Variants in SBF2 observed in about 807,000 individuals in gnomAD.
SBF2 encodes the protein myotubularin-related protein 13.
A neutral mutation model predicts 225.2 loss-of-function variants in SBF2; 112 were observed. The ratio of observed to expected loss-of-function variants is 0.50; its 90% confidence interval spans 0.43 to 0.58. The LOEUF is 0.58. SBF2 is among the 20% of genes least tolerant of loss of function. The probability of loss-of-function intolerance (pLI) is 0.00; values close to 1 mark genes in which losing one functional copy is unlikely to be tolerated. For missense variants in SBF2, 1,996 were observed against 2,206.2 expected (o/e 0.90, Z 1.91); for synonymous variants, 763 against 773.3 (o/e 0.99, Z 0.22).
At chr11:9,834,194 G>C (rs1353613877) in intron 26 of SBF2, among the ~76,000 whole-genome samples, 1 of 151,536 alleles carries the variant, frequency 6.6e-6, no homozygotes, top group East Asian at 1.9e-4. Context: ...CTGGGTTCAA[G>C]CAATTCTCCT....
At chr11:9,861,962 A>G (rs775403099) in intron 17 of SBF2, among the ~76,000 whole-genome samples, 17 of 152,192 alleles carry the variant, frequency 1.1e-4, no homozygotes, top group Admixed American at 2.6e-4. Context: ...CAGTGGCCCA[A>G]AGGGTCAGAA....
chr11:9,861,311 T>G (rs1857719093), intron 17 of SBF2, among the ~76,000 whole-genome samples: 1 of 152,140 alleles, frequency 6.6e-6, no homozygotes, highest in Admixed American at 6.5e-5. Context: ...TCTCCCGCCT[T>G]AACCTCCTGA....
chr11:10,148,709 C>A (rs1187340372), intron 2 of SBF2, among the ~76,000 whole-genome samples: 1 of 151,550 alleles, frequency 6.6e-6, no homozygotes, highest in African/African-American at 2.4e-5. Flanking sequence ...AAAACACATA[C>A]CATGGGGAAA....
At chr11:9,796,006 A>T (rs1853099321) in intron 32 of SBF2, 49 bp from the exon 33 acceptor site, 3 of 1,598,204 alleles carry the variant, frequency 1.9e-6, no homozygotes, top group Non-Finnish European at 2.6e-6. Context: ...CAGAACAAAA[A>T]GTGGATGCCA....
intron 16 of SBF2, among the ~76,000 whole-genome samples, chr11:9,950,075 G>C (rs1865772106): frequency 6.6e-6 from 1 of 151,894 alleles, no homozygotes; most frequent in Admixed American, 6.6e-5. Context: ...AATAAGGAAG[G>C]GACCTTGCAG....
At position 9,868,366 on chromosome 11, in the gene SBF2, A is replaced by AAG. The variant is rs1554933293; in HGVS notation, c.1930-9971_1930-9970insCT. On this transcript the variant is annotated intron_variant, in intron 17 of 39. Transcript: ENST00000256190. ...AAAAAAAAAAAAAAAAAAAAAAAAA[A>AAG]AATTAGGCGGGTGTGGTGGCGGGCG... 2.8e-3 allele frequency among the ~76,000 whole-genome samples: 318 copies of AAG among 114,906 alleles called. 21 individuals carry two copies. The highest frequency in any genetic ancestry group is 3.4e-3 in the African/African-American group (96 of 28,100). 75.4% of individuals were successfully genotyped at this position (114,906 alleles called of 152,430 possible).
intron 1 of SBF2, among the ~76,000 whole-genome samples, chr11:10,293,113 T>C (rs1270770255): frequency 6.6e-6 from 1 of 152,214 alleles, no homozygotes; most frequent in Non-Finnish European, 1.5e-5. Flanking sequence ...GGGACTAGAA[T>C]TGCCCTAAAA....
At chr11:9,780,597 G>A (rs1405366281) in intron 39 of SBF2, 81 bp from the exon 40 acceptor site, 6 of 1,151,880 alleles carry the variant, frequency 5.2e-6, no homozygotes, top group Non-Finnish European at 7.8e-6. Context: ...ATCAGTTCCT[G>A]TGACCTTTCT....
intron 1 of SBF2, among the ~76,000 whole-genome samples, chr11:10,268,621 C>G (rs1332994971): frequency 3.3e-5 from 5 of 152,178 alleles, no homozygotes; most frequent in African/African-American, 1.2e-4. Flanking sequence ...AATAAACAAT[C>G]AGTAAATAAT....
chr11:10,288,102 G>T (rs897650048), intron 1 of SBF2, among the ~76,000 whole-genome samples: 1 of 152,196 alleles, frequency 6.6e-6, no homozygotes, highest in African/African-American at 2.4e-5. Flanking sequence ...CCCAAAGAAG[G>T]AGTCACAGCC....
chr11:9,902,618 TG>T (rs777165600), intron 16 of SBF2, among the ~76,000 whole-genome samples: 6 of 152,206 alleles, frequency 3.9e-5, no homozygotes, highest in Non-Finnish European at 8.8e-5. Context: ...ACAATAATCC[TG>T]GGATCTCTAA....
At chr11:9,966,975 T>C (rs903427261) in intron 14 of SBF2, among the ~76,000 whole-genome samples, 3 of 152,216 alleles carry the variant, frequency 2.0e-5, no homozygotes, top group Non-Finnish European at 4.4e-5. Flanking sequence ...AGCAGCATTA[T>C]TCATAATAGC....
chr11:10,184,980 G>T (rs141343135), intron 2 of SBF2, among the ~76,000 whole-genome samples: 1 of 152,072 alleles, frequency 6.6e-6, no homozygotes, highest in Admixed American at 6.6e-5. Flanking sequence ...TTTGTGATTG[G>T]CTTATTTCCC....
At chr11:10,293,648 C>T (rs997967136) in intron 1 of SBF2, among the ~76,000 whole-genome samples, 1 of 152,220 alleles carries the variant, frequency 6.6e-6, no homozygotes, top group Non-Finnish European at 1.5e-5. Flanking sequence ...AGGAACTTAG[C>T]ACAGTTGGCT....
At chr11:10,156,608 G>A (rs1434853567) in intron 2 of SBF2, among the ~76,000 whole-genome samples, 1 of 152,204 alleles carries the variant, frequency 6.6e-6, no homozygotes, top group Non-Finnish European at 1.5e-5. Context: ...AGGCCTGCCT[G>A]TGGCCACACA....
intron 16 of SBF2, among the ~76,000 whole-genome samples, chr11:9,916,054 A>ATTC (rs975496200): frequency 6.6e-6 from 1 of 152,202 alleles, no homozygotes; most frequent in Admixed American, 6.5e-5. Flanking sequence ...ACAGAGTGAG[A>ATTC]TTCTGTCTCC....
At chr11:10,054,984 A>C (rs958203133) in intron 2 of SBF2, among the ~76,000 whole-genome samples, 3 of 151,988 alleles carry the variant, frequency 2.0e-5, no homozygotes, top group Non-Finnish European at 4.4e-5. Flanking sequence ...ATCTCGGCTC[A>C]CTGCAACCTC....
intron 2 of SBF2, among the ~76,000 whole-genome samples, chr11:10,162,245 A>C (rs1315700029): frequency 6.6e-6 from 1 of 150,532 alleles, no homozygotes; most frequent in African/African-American, 2.5e-5. Flanking sequence ...ATTCCATTAT[A>C]GTTTGAGCAT....
At chr11:10,022,308 T>C (rs1450269248) in intron 6 of SBF2, among the ~76,000 whole-genome samples, 2 of 152,144 alleles carry the variant, frequency 1.3e-5, no homozygotes, top group South Asian at 2.1e-4. Flanking sequence ...TCAATACACA[T>C]CAGCCCTGGA....
Sources: gnomAD v4.1 joint callset for allele counts (sites outside exome capture counted in the v4.1 genomes callset) on GRCh38, gnomAD v4.1.1 for gene constraint, MANE v1.5 for transcripts, NCBI Gene and HGNC (gene_info 2026-07-23, HGNC 2026-07-21) for gene names.